CEP57: variants seen among roughly 807,000 people sequenced by gnomAD.
The protein encoded by CEP57 is centrosomal protein of 57 kDa.
A neutral mutation model predicts 68.0 loss-of-function variants in CEP57; 40 were observed. The ratio of observed to expected loss-of-function variants is 0.59; its 90% CI spans 0.46 to 0.77. The LOEUF (loss-of-function observed/expected upper bound fraction) is 0.77. Ranked by LOEUF, CEP57 falls within the 30% of genes least tolerant of loss-of-function variation. CEP57 has a pLI of 0.00. For missense variants in CEP57, 606 were observed against 580.7 expected (o/e 1.04, Z -0.45); for synonymous variants, 219 against 198.7 (o/e 1.10, Z -0.86).
intron 1 of CEP57, among the ~76,000 whole-genome samples, chr11:95,796,293 T>G: frequency 6.6e-6 from 1 of 152,228 alleles, no homozygotes; most frequent in African/African-American, 2.4e-5. Flanking sequence ...AAGCTAGTGA[T>G]CAGGTTAAAC....
chr11:95,808,579 G>T (rs1484983123), intron 2 of CEP57, among the ~76,000 whole-genome samples: 1 of 151,892 alleles, frequency 6.6e-6, no homozygotes, highest in Non-Finnish European at 1.5e-5. Flanking sequence ...CCTAGTCTCT[G>T]ATAAAACGGA....
At chr11:95,826,708 CAG>C (rs976967431) in intron 8 of CEP57, 2 of 152,104 alleles carry the variant, frequency 1.3e-5, no homozygotes, top group Non-Finnish European at 2.9e-5. Flanking sequence ...AGAAAAATAA[CAG>C]AACGAGAATT....
intron 6 of CEP57, among the ~76,000 whole-genome samples, chr11:95,819,996 T>C (rs1862456611): frequency 6.6e-6 from 1 of 152,214 alleles, no homozygotes; most frequent in South Asian, 2.1e-4. Flanking sequence ...ATTTTCTCTT[T>C]AGGGTTGGCC....
In CEP57 at chr11:95,795,524, C is replaced by G. The variant is rs1861305515; in HGVS notation, c.46-3708C>G. The G allele has an allele frequency of 7.7e-6, 4 of 519,192 alleles. No homozygotes were observed. The East Asian group carries it at 1.0e-4, about 13-fold the overall frequency. The allele number at this position is 519,192 out of a possible 1,614,324, so 32.2% of individuals were successfully genotyped here. A position where few individuals can be genotyped will look rare whatever the true frequency, so the allele number is the denominator to read the frequency against. Reference sequence around the variant, plus strand: ...CTTTTTTTTTTTCTTAGTGTGCAGACTAGGGAAATGAAGTACAATGTTGAC... The same window carrying G: ...CTTTTTTTTTTTCTTAGTGTGCAGAGTAGGGAAATGAAGTACAATGTTGAC... On this transcript the variant is annotated intron_variant, in intron 1 of 10. Coordinates refer to ENST00000325542, the MANE Select transcript of CEP57 (RefSeq NM_014679.5).
At chr11:95,815,789 CAATAAAT>C (rs1862274186) in intron 4 of CEP57, among the ~76,000 whole-genome samples, 1 of 152,070 alleles carries the variant, frequency 6.6e-6, no homozygotes, top group South Asian at 2.1e-4. Context: ...TTTCTACAAA[CAATAAAT>C]AAATAAAATC....
Position 95,831,330 on chromosome 11 carries a change from G to A in CEP57, c.*74G>A. 1.9e-6 allele frequency: 2 copies of A among 1,045,400 alleles called. No individual in the cohort carries two copies. Among genetic ancestry groups the A allele is most frequent in the South Asian group, 1.4e-5 (1 of 73,472 alleles). The allele number at this position is 1,045,400 out of a possible 1,614,324, so 64.8% of individuals were successfully genotyped here. A position where few individuals can be genotyped will look rare whatever the true frequency, so the allele number is the denominator to read the frequency against. On this transcript the variant is annotated 3_prime_UTR_variant, in exon 11 of 11. Transcript: ENST00000325542. ...TCAGATGATGACAATTTACTTCCCA[G>A]GTCTCATACTCACTTATGTTGGAAT...
rs1484512522 is a variant in CEP57 at position 95,790,742 on chromosome 11, CG to C, written c.45+1del. The C allele has an allele frequency of 3.1e-6, 5 of 1,613,920 alleles. No homozygotes were observed. Among genetic ancestry groups the C allele is most frequent in the African/African-American group, 1.3e-5 (1 of 74,940 alleles). On this transcript the variant is annotated frameshift_variant and splice_region_variant, in exon 1 of 11. Coordinates refer to ENST00000325542, the MANE Select transcript of CEP57 (RefSeq NM_014679.5). LOFTEE classifies it high-confidence loss of function. ...TCTGCGGCTTCTGGTTCTCACTTGTCGGTAAGAAGCAGTTGGCGCGAGTGGG... is the reference window on the plus strand; with the variant it reads ...TCTGCGGCTTCTGGTTCTCACTTGTCGTAAGAAGCAGTTGGCGCGAGTGGG... ...SVSAASGSHL[S>X]NSFAEPSRSN...
chr11:95,814,430 A>G (rs1490283008), intron 4 of CEP57, among the ~76,000 whole-genome samples: 1 of 135,434 alleles, frequency 7.4e-6, no homozygotes, highest in Non-Finnish European at 1.5e-5. Flanking sequence ...GCGTGATCTC[A>G]GCTCACCGCA....
chr11:95,824,817 C>G (rs779494569), intron 8 of CEP57, among the ~76,000 whole-genome samples: 7 of 152,164 alleles, frequency 4.6e-5, no homozygotes, highest in Non-Finnish European at 7.3e-5. Context: ...TATAAAGCTG[C>G]TAATCCCTGA....
At position 95,817,858 on chromosome 11, in the gene CEP57, T is replaced by C. The variant is rs752392634; in HGVS notation, c.576T>C (p.Leu192=). The change falls in exon 5 of 11, where the codon CTT becomes CTC. Residue 192 remains leucine, a synonymous_variant. Coordinates refer to ENST00000325542, the MANE Select transcript of CEP57 (RefSeq NM_014679.5). ...VQSQLEKLDL[L]EQEYNKLTTM... ...GCCAACTTGAAAAATTGGATCTTCT[T>C]GAACAGGAGTATAACAAACTTACCA... is the stretch of plus-strand genomic sequence containing the variant. The C allele has an allele frequency of 6.2e-7, 1 of 1,613,914 alleles. No homozygotes were observed.
At chr11:95,805,422 G>A (rs1265104878) in intron 2 of CEP57, among the ~76,000 whole-genome samples, 2 of 151,960 alleles carry the variant, frequency 1.3e-5, no homozygotes, top group Admixed American at 6.5e-5. Context: ...TAGTTATATT[G>A]TAGTCTCATT....
At chr11:95,799,174 T>G (rs1565311535) in intron 1 of CEP57, 58 bp from the exon 2 acceptor site, 2 of 1,567,784 alleles carry the variant, frequency 1.3e-6, no homozygotes, top group African/African-American at 1.4e-5. Context: ...ATTTGTGATT[T>G]AAATCTGCTA....
At chr11:95,801,450 CAA>C (rs200265603) in intron 2 of CEP57, among the ~76,000 whole-genome samples, 40 of 66,698 alleles carry the variant, frequency 6.0e-4, no homozygotes, top group Middle Eastern at 0.01. Flanking sequence ...TTTTAAAAAG[CAA>C]AAAAAAAAAA....
At chr11:95,803,692 C>G (rs556110338) in intron 2 of CEP57, among the ~76,000 whole-genome samples, 1 of 143,268 alleles carries the variant, frequency 7.0e-6, no homozygotes, top group African/African-American at 2.5e-5. Flanking sequence ...CACTTTCCAT[C>G]TTTTTTTTTT....
At chr11:95,818,314 G>A (rs1288287325) in intron 5 of CEP57, among the ~76,000 whole-genome samples, 1 of 150,924 alleles carries the variant, frequency 6.6e-6, no homozygotes, top group Non-Finnish European at 1.5e-5. Flanking sequence ...TGGAGGCTGA[G>A]ACAGGAGAAT....
chr11:95,831,196 G>A lies in CEP57; in HGVS notation c.1443G>A (p.Leu481=). 1 of 1,613,586 alleles carries A rather than the reference G, an allele frequency of 6.2e-7. No homozygotes were observed. Among genetic ancestry groups the A allele is most frequent in the Non-Finnish European group, 8.5e-7 (1 of 1,179,650 alleles). ...AAAGGAGAAAAAATCTTCAGTTATT[G>A]AAGGACATGCAAAGCATACAGAATT... ...GEKRRKNLQL[L]KDMQSIQNSL... is the part of the protein sequence containing the mutation. Residue 481 remains leucine (L), a synonymous_variant, in exon 11 of 11, where the codon TTG becomes TTA. Transcript: ENST00000325542.
intron 4 of CEP57, among the ~76,000 whole-genome samples, chr11:95,817,313 G>T (rs987479166): frequency 6.6e-6 from 1 of 152,034 alleles, no homozygotes; most frequent in African/African-American, 2.4e-5. Flanking sequence ...CTTGCGGTGA[G>T]CCGAGATCAG....
chr11:95,812,176 T>G (rs1266575), intron 2 of CEP57, among the ~76,000 whole-genome samples: 8,467 of 152,150 alleles, frequency 0.056, 746 homozygotes, highest in African/African-American at 0.19. Context: ...TGACTGTAAC[T>G]CTATAGTTGG....
chr11:95,827,669 G>C (rs918936209), intron 8 of CEP57, 117 bp from the exon 9 acceptor site: 1 of 1,120,060 alleles, frequency 8.9e-7, no homozygotes, highest in African/African-American at 1.5e-5. Context: ...AATAATTTTA[G>C]GATTTATATA....
Sources: allele counts gnomAD v4.1 joint callset (sites outside exome capture counted in the v4.1 genomes callset), GRCh38; gene constraint gnomAD v4.1.1; transcripts MANE v1.5; gene names NCBI Gene and HGNC (gene_info 2026-07-23, HGNC 2026-07-21).